The following MACROD2 variants were observed in gnomAD, a reference collection of about 807,000 sequenced individuals.
MACROD2 encodes ADP-ribose glycohydrolase MACROD2.
A neutral mutation model predicts 70.4 loss-of-function variants in MACROD2; 36 were observed. That is an observed-to-expected ratio of 0.51 (90% CI 0.39 to 0.68). MACROD2 has a LOEUF of 0.68. Among genes scored for constraint, MACROD2 ranks in the 30% least tolerant of loss-of-function variants. The probability of loss-of-function intolerance (pLI) is 0.00; values close to 1 mark genes in which losing one functional copy is unlikely to be tolerated. For synonymous variants in MACROD2, 172 were observed against 178.8 expected, an observed-to-expected ratio of 0.96 and a Z score of 0.30; for missense variants, 496 against 538.4, an observed-to-expected ratio of 0.92 and a Z score of 0.78.
At chr20:15,823,316 G>GTGTGTATGTGTGTA (rs139668215) in intron 8 of MACROD2, among the ~76,000 whole-genome samples, 2 of 148,150 alleles carry the variant, frequency 1.3e-5, no homozygotes, top group Admixed American at 6.7e-5. Flanking sequence ...GTGTGTGTGT[G>GTGTGTATGTGTGTA]TGTGTCTATA....
At chr20:15,144,905 C>A (rs950447427) in intron 5 of MACROD2, among the ~76,000 whole-genome samples, 1 of 152,078 alleles carries the variant, frequency 6.6e-6, no homozygotes, top group Non-Finnish European at 1.5e-5. Flanking sequence ...ATACTATATA[C>A]CATACTTACT....
chr20:15,998,816 G>A (rs1407964253), intron 15 of MACROD2, among the ~76,000 whole-genome samples: 9 of 151,742 alleles, frequency 5.9e-5, no homozygotes, highest in South Asian at 2.1e-4. Context: ...TGCCCGTCTC[G>A]GCCTCCCAAA....
intron 5 of MACROD2, among the ~76,000 whole-genome samples, chr20:14,802,879 T>A (rs1269816188): frequency 2.0e-5 from 3 of 151,980 alleles, no homozygotes; most frequent in African/African-American, 7.3e-5. Context: ...AGTTAGAATA[T>A]CTCATTTTTA....
At chr20:14,925,902 A>G (rs759975153) in intron 5 of MACROD2, among the ~76,000 whole-genome samples, 1 of 152,196 alleles carries the variant, frequency 6.6e-6, no homozygotes, top group Non-Finnish European at 1.5e-5. Context: ...AGGGACTTAT[A>G]TAGTATGTTC....
chr20:14,866,087 G>A (rs984273470), intron 5 of MACROD2, among the ~76,000 whole-genome samples: 7 of 152,132 alleles, frequency 4.6e-5, no homozygotes, highest in Admixed American at 6.6e-5. Flanking sequence ...GGCACAAAAT[G>A]ACTATATATG....
At chr20:15,786,295 T>C (rs1402990804) in intron 8 of MACROD2, among the ~76,000 whole-genome samples, 4 of 151,808 alleles carry the variant, frequency 2.6e-5, no homozygotes, top group Non-Finnish European at 5.9e-5. Context: ...ATATTTAAGA[T>C]AGAATGAGAA....
At chr20:15,846,207 TC>T (rs1729298301) in intron 8 of MACROD2, among the ~76,000 whole-genome samples, 1 of 152,206 alleles carries the variant, frequency 6.6e-6, no homozygotes, top group South Asian at 2.1e-4. Flanking sequence ...GACCAGAACT[TC>T]TCAGGCTATC....
chr20:16,035,136 T>TAAAA (rs1186791062), intron 15 of MACROD2, among the ~76,000 whole-genome samples: 1,874 of 77,004 alleles, frequency 0.024, 42 homozygotes, highest in Non-Finnish European at 0.038. Flanking sequence ...ATATTATATA[T>TAAAA]TATATATTAT....
intron 3 of MACROD2, among the ~76,000 whole-genome samples, chr20:14,103,498 G>T (rs2054326355): frequency 6.6e-6 from 1 of 151,144 alleles, no homozygotes; most frequent in South Asian, 2.1e-4. Context: ...AAAGAGAACA[G>T]TTTTTTTTTC....
intron 5 of MACROD2, among the ~76,000 whole-genome samples, chr20:15,185,534 T>C (rs1286166066): frequency 6.6e-6 from 1 of 152,202 alleles, no homozygotes; most frequent in East Asian, 1.9e-4. Flanking sequence ...ATATTTTTGG[T>C]GAGTATAGTC....
At chr20:15,999,581 T>C (rs1404072835) in intron 15 of MACROD2, among the ~76,000 whole-genome samples, 1 of 152,256 alleles carries the variant, frequency 6.6e-6, no homozygotes, top group African/African-American at 2.4e-5. Flanking sequence ...TAAAGTCCCC[T>C]ACTATTATTG....
intron 5 of MACROD2, among the ~76,000 whole-genome samples, chr20:15,069,460 G>T (rs1408018668): frequency 6.6e-6 from 1 of 152,186 alleles, no homozygotes; most frequent in Non-Finnish European, 1.5e-5. Flanking sequence ...ATGAATAAAA[G>T]GCCTTGAAGG....
chr20:15,047,408 T>G (rs2075403443), intron 5 of MACROD2, among the ~76,000 whole-genome samples: 1 of 152,066 alleles, frequency 6.6e-6, no homozygotes, highest in Admixed American at 6.6e-5. Flanking sequence ...TCTGATGCAA[T>G]GTAAGTAAGA....
At chr20:14,824,350 G>T (rs908934163) in intron 5 of MACROD2, among the ~76,000 whole-genome samples, 9 of 152,050 alleles carry the variant, frequency 5.9e-5, no homozygotes, top group African/African-American at 2.2e-4. Flanking sequence ...CTGGTTGTCT[G>T]TTGCTAAAAA....
intron 2 of MACROD2, among the ~76,000 whole-genome samples, chr20:14,044,176 C>G (rs1194435054): frequency 1.3e-5 from 2 of 151,890 alleles, no homozygotes; most frequent in Non-Finnish European, 2.9e-5. Context: ...GGTTCGTGGT[C>G]TCACTGGCTC....
rs117498532 is a variant in MACROD2 at position 15,899,217 on chromosome 20, C to T, written c.775+13406C>T. Among the ~76,000 whole-genome samples, 586 of 151,796 alleles carry T rather than the reference C, an allele frequency of 3.9e-3. 2 individuals are homozygous for T. The highest frequency in any genetic ancestry group is 0.023 in the South Asian group (113 of 4,822). On this transcript the variant is annotated intron_variant, in intron 10 of 17. Transcript: ENST00000684519. ...CTATTTACTTATCTAATCACACAGACATATATGTATATATGTATATGTGTG... is the reference window on the plus strand; with the variant it reads ...CTATTTACTTATCTAATCACACAGATATATATGTATATATGTATATGTGTG...
rs190456907 is a variant in MACROD2 at position 14,755,503 on chromosome 20, G to A, written c.418+70544G>A. 2.1e-3 allele frequency among the ~76,000 whole-genome samples: 327 copies of A among 152,160 alleles called. 2 individuals are homozygous for A. Among genetic ancestry groups the A allele is most frequent in the African/African-American group, 3.1e-3 (127 of 41,492 alleles). On this transcript the variant is annotated intron_variant, in intron 5 of 17. Coordinates refer to ENST00000684519, the MANE Select transcript of MACROD2 (RefSeq NM_001351661.2). ...TGCAGCCCTCATGAGCATTGGCTAC[G>A]TGAATTTTTGATTAATAAAGTCTAG... is the stretch of plus-strand genomic sequence containing the variant.
At chr20:15,893,235 T>C (rs1367664559) in intron 10 of MACROD2, among the ~76,000 whole-genome samples, 2 of 152,252 alleles carry the variant, frequency 1.3e-5, no homozygotes, top group Non-Finnish European at 2.9e-5. Context: ...TTTGTCAGTA[T>C]GTTGTATTTT....
chr20:14,585,357 C>A (rs1190970675), intron 4 of MACROD2, among the ~76,000 whole-genome samples: 1 of 149,970 alleles, frequency 6.7e-6, no homozygotes, highest in East Asian at 1.9e-4. Flanking sequence ...ACCAACATAA[C>A]CCCATTTCCG....
Sources: allele counts gnomAD v4.1 joint callset (sites outside exome capture counted in the v4.1 genomes callset), GRCh38; gene constraint gnomAD v4.1.1; transcripts MANE v1.5; gene names NCBI Gene and HGNC (gene_info 2026-07-23, HGNC 2026-07-21).